ESYT2: variants seen among roughly 807,000 people sequenced by gnomAD.
The protein encoded by ESYT2 is extended synaptotagmin 2, also known as extended synaptotagmin-2.
Under a neutral mutation model 107.2 loss-of-function variants are expected in ESYT2, and 54 were observed. The ratio of observed to expected loss-of-function variants is 0.50; its 90% CI spans 0.40 to 0.63. ESYT2 has a LOEUF of 0.63. ESYT2 is among the 30% of genes least tolerant of loss of function. The pLI, the probability that ESYT2 is intolerant of heterozygous loss-of-function variation, is 0.00. For missense variants in ESYT2, 1,020 were observed against 1,094.5 expected (o/e 0.93, Z 0.96); for synonymous variants, 491 against 434.1 (o/e 1.13, Z -1.63).
At chr7:158,797,020 T>C (rs72505587) in intron 3 of ESYT2, among the ~76,000 whole-genome samples, 750 of 12,138 alleles carry the variant, frequency 0.062, 12 homozygotes, top group African/African-American at 0.15. Flanking sequence ...GAAAGGGCAC[T>C]GCAGGCGAGA....
chr7:158,802,696 C>A (rs1246331577), intron 1 of ESYT2, among the ~76,000 whole-genome samples: 2 of 152,214 alleles, frequency 1.3e-5, no homozygotes, highest in Non-Finnish European at 1.5e-5. Flanking sequence ...AGTATCAATT[C>A]TGCTGACTCA....
At position 158,829,139 on chromosome 7, in the gene ESYT2, C is replaced by T. The variant is rs755201168; in HGVS notation, c.280G>A (p.Glu94Lys). 6.4e-7 allele frequency: 1 copy of T among 1,568,784 alleles called. No individual in the cohort carries two copies. The highest frequency in any genetic ancestry group is 8.6e-7 in the Non-Finnish European group (1 of 1,166,620). ...ACCCCCAGGCGCACGACGCGCTCCT[C>T]GTCTTCCAGCAGCGCCAGCGCGCGG... ...LCRALALLED[E>K]ERVVRLGVRA... Residue 94 changes from glutamate to lysine, a missense_variant, in exon 1 of 23, where the codon GAG (glutamate) becomes AAG (lysine). Physicochemically the swap from Glu to Lys is moderately conservative, Grantham distance 56. Transcript: ENST00000275418.
chr7:158,802,298 T>TG (rs923361340), intron 1 of ESYT2, among the ~76,000 whole-genome samples: 1 of 152,126 alleles, frequency 6.6e-6, no homozygotes, highest in African/African-American at 2.4e-5. Context: ...TAAGCATTTT[T>TG]TTTTTTGAGA....
intron 3 of ESYT2, 36 bp from the exon 4 acceptor site, chr7:158,793,762 G>GT (rs1314929519): frequency 3.3e-6 from 5 of 1,514,972 alleles, no homozygotes; most frequent in Non-Finnish European, 4.5e-6. Context: ...AGATACAGAG[G>GT]TTAAAAAAAA....
intron 1 of ESYT2, among the ~76,000 whole-genome samples, chr7:158,823,986 G>A (rs1474676806): frequency 6.6e-6 from 1 of 152,190 alleles, no homozygotes; most frequent in Non-Finnish European, 1.5e-5. Flanking sequence ...TTAATCTTAA[G>A]TAGAAATTTT....
intron 1 of ESYT2, among the ~76,000 whole-genome samples, chr7:158,810,223 A>G (rs868591203): frequency 6.6e-6 from 1 of 152,268 alleles, no homozygotes; most frequent in African/African-American, 2.4e-5. Context: ...AAACCTGTAC[A>G]TGAATGCTCA....
chr7:158,757,701 A>C (rs1460017182), intron 13 of ESYT2, among the ~76,000 whole-genome samples: 1 of 152,070 alleles, frequency 6.6e-6, no homozygotes, highest in African/African-American at 2.4e-5. Context: ...TGGCCACAGC[A>C]CATTCCATGC....
At chr7:158,828,970 G>T in intron 1 of ESYT2, 119 bp downstream of exon 1, 3 of 1,418,442 alleles carry the variant, frequency 2.1e-6, no homozygotes, top group Non-Finnish European at 2.7e-6. Flanking sequence ...GGGAGCCGGG[G>T]CAGGGCTGGG....
intron 1 of ESYT2, among the ~76,000 whole-genome samples, chr7:158,825,775 C>A: frequency 6.6e-6 from 1 of 152,186 alleles, no homozygotes; most frequent in East Asian, 1.9e-4. Flanking sequence ...GTCAACGACA[C>A]ACTATGAAAA....
chr7:158,782,815 A>G (rs913389802), intron 6 of ESYT2, among the ~76,000 whole-genome samples: 25 of 152,212 alleles, frequency 1.6e-4, no homozygotes, highest in African/African-American at 5.5e-4. Flanking sequence ...TGTGAGAACA[A>G]GTCTGTGAGA....
rs1262101595 is a variant in ESYT2, at chr7:158,757,930, C to A, written c.1419+1556G>T. 2.0e-5 allele frequency among the ~76,000 whole-genome samples: 3 copies of A among 152,278 alleles called. No individual in the cohort carries two copies. The East Asian group carries it at 5.8e-4, about 29-fold the overall frequency. ...TCACTTCCATCAGGCATTATGGAAGCCTTTACAACAAACATTACCATGGCT... is the reference window on the plus strand; with the variant it reads ...TCACTTCCATCAGGCATTATGGAAGACTTTACAACAAACATTACCATGGCT... On this transcript the variant is annotated intron_variant, in intron 13 of 22. Coordinates refer to ENST00000275418, the MANE Select transcript of ESYT2 (RefSeq NM_001367773.1).
intron 13 of ESYT2, among the ~76,000 whole-genome samples, chr7:158,755,872 T>C (rs1837737342): frequency 6.6e-6 from 1 of 150,432 alleles, no homozygotes; most frequent in Non-Finnish European, 1.5e-5. Context: ...CGTCAGGGGG[T>C]AGGGGGAGAG....
Position 158,741,597 on chromosome 7 carries a change from G to A in ESYT2, c.2094C>T (p.Thr698=), listed in dbSNP as rs1837208968. 1 of 1,611,778 alleles carries A rather than the reference G, an allele frequency of 6.2e-7. No homozygotes were observed. ...GCGAGATGTCCGAGGCGATGCTGGG[G>A]GTCGGCTCCTTGACTGAGATGTGGC... The part of the protein sequence containing the change: ...SPGHISVKEP[T]PSIASDISLP... Residue 698 remains threonine, a synonymous_variant, in exon 18 of 23, where the codon ACC becomes ACT. Transcript: ENST00000275418.
At chr7:158,751,076 A>AAT (rs531153015) in intron 14 of ESYT2, among the ~76,000 whole-genome samples, 1 of 152,170 alleles carries the variant, frequency 6.6e-6, no homozygotes, top group South Asian at 2.1e-4. Flanking sequence ...TAAAACATAT[A>AAT]CTTTTTTTTC....
chr7:158,740,311 A>G (rs35308598), intron 18 of ESYT2, among the ~76,000 whole-genome samples: 36,130 of 152,186 alleles, frequency 0.24, 5,172 homozygotes, highest in East Asian at 0.59. Flanking sequence ...CAGGCTGGCC[A>G]GCCTGCAGGC....
chr7:158,789,397 C>G (rs965154049), intron 4 of ESYT2, among the ~76,000 whole-genome samples: 1 of 149,492 alleles, frequency 6.7e-6, no homozygotes, highest in African/African-American at 2.4e-5. Flanking sequence ...CGCTCTGTTG[C>G]CGAGGCTGGA....
intron 18 of ESYT2, among the ~76,000 whole-genome samples, chr7:158,739,727 C>A (rs542619726): frequency 1.3e-5 from 2 of 152,120 alleles, no homozygotes. Context: ...GTGAGTGGAC[C>A]CAGGGGACCC....
intron 10 of ESYT2, among the ~76,000 whole-genome samples, chr7:158,762,147 C>A (rs1837990956): frequency 1.3e-5 from 2 of 152,222 alleles, no homozygotes; most frequent in South Asian, 4.2e-4. Context: ...ATTGGCACCA[C>A]CCCCAGACGC....
intron 6 of ESYT2, among the ~76,000 whole-genome samples, chr7:158,777,533 T>G (rs1234698283): frequency 6.6e-6 from 1 of 152,194 alleles, no homozygotes; most frequent in East Asian, 1.9e-4. Flanking sequence ...CTGTTTCTCC[T>G]GGACACTCTC....
Sources: allele counts gnomAD v4.1 joint callset (sites outside exome capture counted in the v4.1 genomes callset), GRCh38; gene constraint gnomAD v4.1.1; transcripts MANE v1.5; gene names NCBI Gene and HGNC (gene_info 2026-07-23, HGNC 2026-07-21).